Variants in PIK3C2G observed in about 807,000 individuals in gnomAD.
The protein encoded by PIK3C2G is phosphatidylinositol-4-phosphate 3-kinase catalytic subunit type 2 gamma.
In PIK3C2G, 168 loss-of-function variants were observed where a neutral mutation model predicts 181.1. That is an observed-to-expected ratio of 0.93 (90% CI 0.82 to 1.05). The LOEUF (loss-of-function observed/expected upper bound fraction) is 1.05. Among genes scored for constraint, PIK3C2G ranks in the 50% least tolerant of loss-of-function variants. PIK3C2G has a pLI of 0.00. For synonymous variants in PIK3C2G, 573 were observed against 592.2 expected (o/e 0.97, Z 0.47); for missense variants, 1,869 against 1,732.8 (o/e 1.08, Z -1.40).
At chr12:18,364,870 G>A (rs1941526708) in intron 12 of PIK3C2G, among the ~76,000 whole-genome samples, 1 of 151,336 alleles carries the variant, frequency 6.6e-6, no homozygotes. Flanking sequence ...CTTGGGCTAC[G>A]GAGCAAGTCT....
intron 18 of PIK3C2G, among the ~76,000 whole-genome samples, chr12:18,478,749 C>A (rs1001565946): frequency 1.3e-5 from 2 of 152,034 alleles, no homozygotes; most frequent in African/African-American, 4.8e-5. Flanking sequence ...AGGCCAAGGC[C>A]AGATCGCTTG....
At chr12:18,298,357 C>T (rs1950029403) in intron 5 of PIK3C2G, among the ~76,000 whole-genome samples, 1 of 149,248 alleles carries the variant, frequency 6.7e-6, no homozygotes, top group African/African-American at 2.5e-5. Flanking sequence ...ATTGCTTGCC[C>T]ACTTTTTGAT....
upstream of PIK3C2G, among the ~76,000 whole-genome samples, chr12:18,245,382 T>G (rs1312583565): frequency 2.0e-5 from 3 of 152,074 alleles, no homozygotes; most frequent in African/African-American, 7.2e-5. Context: ...AAGATTTACT[T>G]ACATCTCAAT....
At chr12:18,646,539 A>G (rs1207903598) in intron 32 of PIK3C2G, among the ~76,000 whole-genome samples, 1 of 152,170 alleles carries the variant, frequency 6.6e-6, no homozygotes, top group Non-Finnish European at 1.5e-5. Flanking sequence ...AGGTAAGCCT[A>G]TGCTGTACAA....
At chr12:18,683,821 C>G in the PIK3C2G span, among the ~76,000 whole-genome samples, 1 of 151,874 alleles carries the variant, frequency 6.6e-6, no homozygotes, top group Non-Finnish European at 1.5e-5. Context: ...GGTTGCCACC[C>G]ATCATCATTT....
At chr12:18,444,146 C>G (rs1946894325) in intron 18 of PIK3C2G, among the ~76,000 whole-genome samples, 1 of 152,176 alleles carries the variant, frequency 6.6e-6, no homozygotes, top group African/African-American at 2.4e-5. Context: ...TACACCCATT[C>G]TCCTCCAAAC....
At chr12:18,364,383 C>A (rs1048827857) in intron 12 of PIK3C2G, among the ~76,000 whole-genome samples, 13 of 152,284 alleles carry the variant, frequency 8.5e-5, no homozygotes, top group Middle Eastern at 3.4e-3. Flanking sequence ...TATCATTGGG[C>A]AAAATTGTTC....
chr12:18,665,211 G>T, the PIK3C2G span, among the ~76,000 whole-genome samples: 3 of 151,812 alleles, frequency 2.0e-5, no homozygotes, highest in South Asian at 6.2e-4. Context: ...AATGGTGGTT[G>T]CCAGGGACTG....
intron 31 of PIK3C2G, among the ~76,000 whole-genome samples, chr12:18,613,033 A>G (rs1177231514): frequency 6.6e-6 from 1 of 152,146 alleles, no homozygotes; most frequent in African/African-American, 2.4e-5. Context: ...TTCAGTTTAT[A>G]TGACAAAGAA....
At chr12:18,493,262 C>T in intron 20 of PIK3C2G, 1 of 152,024 alleles carries the variant, frequency 6.6e-6, no homozygotes, top group Non-Finnish European at 1.5e-5. Flanking sequence ...CATATAAAAA[C>T]CTTATTTAAA....
In PIK3C2G at chr12:18,631,004, G is replaced by A. The variant is rs56896544; in HGVS notation, c.4183-9425G>A. On this transcript the variant is annotated intron_variant, in intron 31 of 32. Transcript: ENST00000538779. Reference sequence around the variant, plus strand: ...CCAGAGTTTAAAAAAAAAAATTGCAGTGTAAGACATTTAGACAAGTAGTGG... The same window carrying A: ...CCAGAGTTTAAAAAAAAAAATTGCAATGTAAGACATTTAGACAAGTAGTGG... 3.6e-3 allele frequency among the ~76,000 whole-genome samples: 550 copies of A among 152,124 alleles called. 3 individuals are homozygous for A. The highest frequency in any genetic ancestry group is 0.012 in the African/African-American group (503 of 41,514).
chr12:18,293,185 T>C (rs1467066117), intron 4 of PIK3C2G, among the ~76,000 whole-genome samples: 1 of 152,164 alleles, frequency 6.6e-6, no homozygotes, highest in Non-Finnish European at 1.5e-5. Context: ...TTGTCTATTT[T>C]TTTATGATAG....
At chr12:18,346,201 T>A (rs1939654764) in intron 10 of PIK3C2G, among the ~76,000 whole-genome samples, 1 of 152,208 alleles carries the variant, frequency 6.6e-6, no homozygotes, top group Non-Finnish European at 1.5e-5. Context: ...AGTGTTCAGT[T>A]AATAGTAAAC....
intron 13 of PIK3C2G, among the ~76,000 whole-genome samples, chr12:18,372,269 T>C (rs563815610): frequency 2.6e-4 from 40 of 152,002 alleles, no homozygotes; most frequent in Non-Finnish European, 4.3e-4. Flanking sequence ...AGCCCATTTC[T>C]ATACCATTGT....
At chr12:18,303,344 TC>T (rs1950289561) in intron 5 of PIK3C2G, among the ~76,000 whole-genome samples, 1 of 151,242 alleles carries the variant, frequency 6.6e-6, no homozygotes, top group African/African-American at 2.4e-5. Flanking sequence ...TCTCTTTCTT[TC>T]TTTCTTTCTG....
chr12:18,650,115 T>C (rs1685077), downstream of PIK3C2G, among the ~76,000 whole-genome samples: 25,547 of 151,950 alleles, frequency 0.17, 2,689 homozygotes, highest in African/African-American at 0.29. Flanking sequence ...AACTCAATAT[T>C]CCCTTGAATT....
intron 6 of PIK3C2G, among the ~76,000 whole-genome samples, chr12:18,316,625 T>C (rs1950872888): frequency 6.6e-6 from 1 of 152,138 alleles, no homozygotes; most frequent in South Asian, 2.1e-4. Context: ...ATATTGATGC[T>C]GTTGTTTAAA....
chr12:18,272,797 A>C (rs1948798885), intron 1 of PIK3C2G, among the ~76,000 whole-genome samples: 1 of 152,148 alleles, frequency 6.6e-6, no homozygotes, highest in Non-Finnish European at 1.5e-5. Flanking sequence ...AACTAGAGTC[A>C]CAGGACATCC....
At chr12:18,707,590 G>A in the PIK3C2G span, among the ~76,000 whole-genome samples, 1 of 151,920 alleles carries the variant, frequency 6.6e-6, no homozygotes, top group East Asian at 1.9e-4. Flanking sequence ...TACTTATGAG[G>A]GTTTTTGGCA....
Sources: allele counts gnomAD v4.1 joint callset (sites outside exome capture counted in the v4.1 genomes callset), GRCh38; gene constraint gnomAD v4.1.1; transcripts MANE v1.5; gene names NCBI Gene and HGNC (gene_info 2026-07-23, HGNC 2026-07-21).